Variants in PCDHGA2 observed in about 807,000 individuals in gnomAD.
The protein encoded by PCDHGA2 is protocadherin gamma-A2.
PCDHGA2 carries 40 observed loss-of-function variants against 59.2 expected under a neutral mutation model. The ratio of observed to expected loss-of-function variants is 0.68; its 90% CI spans 0.52 to 0.88. PCDHGA2 has a LOEUF of 0.88. Ranked by LOEUF, PCDHGA2 falls within the 40% of genes least tolerant of loss-of-function variation. The pLI is 0.00. For missense variants in PCDHGA2, 1,226 were observed against 1,204.0 expected (o/e 1.02, Z -0.27); for synonymous variants, 560 against 526.0 (o/e 1.06, Z -0.89).
chr5:141,419,043 A>G (rs1561777660), intron 1 of PCDHGA2: 5 of 1,613,958 alleles, frequency 3.1e-6, no homozygotes. Flanking sequence ...TTTAAGATTC[A>G]TTCTTCTTCT....
At position 141,477,579 on chromosome 5, in the gene PCDHGA2, A is replaced by G. The variant is rs774773400; in HGVS notation, c.2425-17228A>G. The stretch of plus-strand genomic sequence containing the variant: ...AGTGTCTGGGACCCCGACGCCCCGC[A>G]GAATGCTCGGCTTTCTTTCTTTCTC... On this transcript the variant is annotated intron_variant, in intron 1 of 3. Coordinates refer to ENST00000394576, the MANE Select transcript of PCDHGA2 (RefSeq NM_018915.4). The surrounding 1 kb of genome is among the most constrained non-coding windows in gnomAD (Gnocchi z 4.9). The G allele has an allele frequency of 1.7e-5, 27 of 1,614,036 alleles. No individual in the cohort carries two copies. The highest frequency in any genetic ancestry group is 2.0e-5 in the Non-Finnish European group (24 of 1,180,036).
intron 1 of PCDHGA2, chr5:141,385,051 C>T (rs1222079447): frequency 2.5e-6 from 4 of 1,614,036 alleles, no homozygotes; most frequent in Admixed American, 1.7e-5. Flanking sequence ...CAGGCTGCGG[C>T]GCTGGCACAA....
At chr5:141,388,800 G>T (rs1193679536) in intron 1 of PCDHGA2, 1 of 1,613,896 alleles carries the variant, frequency 6.2e-7, no homozygotes, top group Non-Finnish European at 8.5e-7. Context: ...AAATACATTA[G>T]ATTTTGAAGA....
At chr5:141,409,614 T>C in intron 1 of PCDHGA2, 1 of 1,613,880 alleles carries the variant, frequency 6.2e-7, no homozygotes, top group Non-Finnish European at 8.5e-7. Flanking sequence ...GGAGCCTCCA[T>C]TGCGCAAGTG....
chr5:141,404,886 C>T (rs1248535405), intron 1 of PCDHGA2: 2 of 1,613,906 alleles, frequency 1.2e-6, no homozygotes, highest in South Asian at 1.1e-5. Context: ...CTTGTGGTGG[C>T]TGTACAGGAC....
chr5:141,419,332 C>A, intron 1 of PCDHGA2: 1 of 1,613,950 alleles, frequency 6.2e-7, no homozygotes, highest in South Asian at 1.1e-5. Context: ...CCTACTCTCT[C>A]ATTGCCAGCG....
At position 141,340,967 on chromosome 5, in the gene PCDHGA2, G is replaced by A. The variant is rs367802165; in HGVS notation, c.1996G>A (p.Asp666Asn). 3 of 1,613,760 alleles carry A rather than the reference G, an allele frequency of 1.9e-6. No individual in the cohort carries two copies. Among genetic ancestry groups the A allele is most frequent in the African/African-American group, 1.3e-5 (1 of 74,920 alleles). ...ATVTLTVAVA[D>N]RIPDILADLG... Reference sequence around the variant, plus strand: ...TGTCACGCTCACCGTGGCCGTGGCCGACAGGATCCCCGACATCCTGGCCGA... The same window carrying A: ...TGTCACGCTCACCGTGGCCGTGGCCAACAGGATCCCCGACATCCTGGCCGA... The change falls in exon 1 of 4, where the codon GAC becomes AAC. Residue 666 changes from aspartate to asparagine, a missense_variant. By Grantham distance (23) the Asp-to-Asn change is conservative. Transcript: ENST00000394576.
At chr5:141,405,301 G>C (rs369812265) in intron 1 of PCDHGA2, 2 of 1,614,082 alleles carry the variant, frequency 1.2e-6, no homozygotes, top group African/African-American at 2.7e-5. Context: ...TCAGCCAGCA[G>C]AGCTGTGAGA....
intron 2 of PCDHGA2, among the ~76,000 whole-genome samples, chr5:141,499,297 T>A (rs1449576891): frequency 1.3e-5 from 2 of 152,036 alleles, no homozygotes; most frequent in Non-Finnish European, 2.9e-5. Flanking sequence ...CACACTACCA[T>A]CCCTCCTCTG....
rs539878473 is a variant in PCDHGA2 at position 141,501,595 on chromosome 5, C to T, written c.2484-3798C>T. Reference sequence around the variant, plus strand: ...GCTGGCTTTCAGGTTGCAACTCTACCAGTTCCAGCTGTGTGACTCTGGTAT... The same window carrying T: ...GCTGGCTTTCAGGTTGCAACTCTACTAGTTCCAGCTGTGTGACTCTGGTAT... On this transcript the variant is annotated intron_variant, in intron 2 of 3. Coordinates refer to ENST00000394576, the MANE Select transcript of PCDHGA2 (RefSeq NM_018915.4). Among the ~76,000 whole-genome samples the T allele has an allele frequency of 9.9e-5, 15 of 152,164 alleles. No homozygotes were observed. In the East Asian group the frequency reaches 2.9e-3, roughly 30 times the overall value.
At chr5:141,474,893 T>C (rs1406276730) in intron 1 of PCDHGA2, among the ~76,000 whole-genome samples, 1 of 152,256 alleles carries the variant, frequency 6.6e-6, no homozygotes, top group East Asian at 1.9e-4. Flanking sequence ...TAGAGGTTCA[T>C]TTCTTGTTCA....
At chr5:141,421,318 C>A (rs370020854) in intron 1 of PCDHGA2, 1 of 1,613,822 alleles carries the variant, frequency 6.2e-7, no homozygotes. Context: ...CCGGGCCAGG[C>A]AGATCCGATA....
rs769137645 is a variant in PCDHGA2 at position 141,355,852 on chromosome 5, G to C, written c.2424+14457G>C. Reference sequence around the variant, plus strand: ...CCTCGTTCTCACGGCCTTCGATGGAGGTGACCCGGTTCGCTCTGGCACTGC... The same window carrying C: ...CCTCGTTCTCACGGCCTTCGATGGACGTGACCCGGTTCGCTCTGGCACTGC... On this transcript the variant is annotated intron_variant, in intron 1 of 3. Transcript: ENST00000394576. 15 of 1,612,306 alleles carry C rather than the reference G, an allele frequency of 9.3e-6. No individual in the cohort carries two copies. The East Asian group carries it at 3.1e-4, about 34-fold the overall frequency.
rs1273130482 is a variant in PCDHGA2 at position 141,338,870 on chromosome 5, T to G, written c.-102T>G. On this transcript the variant is annotated 5_prime_UTR_variant, in exon 1 of 4. Coordinates refer to ENST00000394576, the MANE Select transcript of PCDHGA2 (RefSeq NM_018915.4). ...CCCACCAGTTCTCTCCATAGGGACCTGGGTCCCGTGAATGCTGGTTATCTC... is the reference window on the plus strand; with the variant it reads ...CCCACCAGTTCTCTCCATAGGGACCGGGGTCCCGTGAATGCTGGTTATCTC... The G allele has an allele frequency of 9.7e-6, 14 of 1,446,502 alleles. No homozygotes were observed. The highest frequency in any genetic ancestry group is 2.3e-4 in the Middle Eastern group (1 of 4,280). The allele number at this position is 1,446,502 out of a possible 1,614,324, so 89.6% of individuals were successfully genotyped here.
At chr5:141,408,076 A>C in intron 1 of PCDHGA2, 1 of 1,399,800 alleles carries the variant, frequency 7.1e-7, no homozygotes. Flanking sequence ...GACCTTTCCC[A>C]GCACAGCGGA....
At chr5:141,388,457 C>A in intron 1 of PCDHGA2, 1 of 1,613,814 alleles carries the variant, frequency 6.2e-7, no homozygotes, top group Non-Finnish European at 8.5e-7. Flanking sequence ...GCAGTAAATA[C>A]CCTGAGATGG....
At chr5:141,376,677 T>TG in intron 1 of PCDHGA2, 1 of 105,326 alleles carries the variant, frequency 9.5e-6, no homozygotes, top group Non-Finnish European at 1.5e-5. Context: ...GAGGGTATCG[T>TG]TTTTTTTTTT....
At chr5:141,376,974 A>T (rs1055212132) in intron 1 of PCDHGA2, 1 of 158,030 alleles carries the variant, frequency 6.3e-6, no homozygotes, top group Non-Finnish European at 1.4e-5. Context: ...GGCGTGAGCC[A>T]CCGCGCCCGG....
chr5:141,478,489 C>T (rs779457709), intron 1 of PCDHGA2: 99 of 1,613,162 alleles, frequency 6.1e-5, no homozygotes, highest in Non-Finnish European at 8.1e-5. Context: ...CGCTGCGGAG[C>T]TGTGATCCGG....
Sources: allele counts gnomAD v4.1 joint callset (sites outside exome capture counted in the v4.1 genomes callset), GRCh38; gene constraint gnomAD v4.1.1; non-coding constraint Gnocchi (gnomAD v3.1); transcripts MANE v1.5; gene names NCBI Gene and HGNC (gene_info 2026-07-23, HGNC 2026-07-21).